The following PAN3 variants were observed in gnomAD, a reference collection of about 807,000 sequenced individuals.
The protein encoded by PAN3 is poly(A) specific ribonuclease subunit PAN3, also known as PAN2-PAN3 deadenylation complex subunit PAN3.
In PAN3, 19 loss-of-function variants were observed where a neutral mutation model predicts 96.2. The observed-to-expected ratio is 0.20, with a 90% CI of 0.14 to 0.29. The LOEUF (loss-of-function observed/expected upper bound fraction) is 0.29. Among genes scored for constraint, PAN3 ranks in the 10% least tolerant of loss-of-function variants. The pLI is 1.00. For synonymous variants in PAN3, 433 were observed against 406.6 expected, an observed-to-expected ratio of 1.06 and a Z score of -0.78; for missense variants, 882 against 1,108.1, an observed-to-expected ratio of 0.80 and a Z score of 2.90.
intron 1 of PAN3, among the ~76,000 whole-genome samples, chr13:28,162,569 C>T (rs1873012030): frequency 6.6e-6 from 1 of 151,848 alleles, no homozygotes; most frequent in Non-Finnish European, 1.5e-5. Context: ...ACCTGTAGAA[C>T]CCAGGAGGTG....
At chr13:28,244,225 T>G (rs1172343734) in intron 6 of PAN3, among the ~76,000 whole-genome samples, 1 of 152,206 alleles carries the variant, frequency 6.6e-6, no homozygotes, top group Non-Finnish European at 1.5e-5. Context: ...GTAGCAATTT[T>G]TGTCTCTTGA....
At chr13:28,269,956 A>G (rs941864647) in intron 12 of PAN3, among the ~76,000 whole-genome samples, 11 of 152,152 alleles carry the variant, frequency 7.2e-5, no homozygotes, top group Admixed American at 2.6e-4. Context: ...AGCAGGGTGT[A>G]GGGACTCATG....
At chr13:28,232,819 C>G (rs1193838834) in intron 6 of PAN3, among the ~76,000 whole-genome samples, 1 of 151,934 alleles carries the variant, frequency 6.6e-6, no homozygotes, top group Non-Finnish European at 1.5e-5. Flanking sequence ...TTTAAAGACT[C>G]CCTTTTATTA....
At chr13:28,152,599 AC>A (rs958896124) in intron 1 of PAN3, among the ~76,000 whole-genome samples, 1 of 152,014 alleles carries the variant, frequency 6.6e-6, no homozygotes, top group African/African-American at 2.4e-5. Flanking sequence ...AAACCAAAAA[AC>A]AAAAAAAAAT....
chr13:28,256,640 A>G, intron 7 of PAN3, 101 bp downstream of exon 7: 1 of 1,266,496 alleles, frequency 7.9e-7, no homozygotes, highest in Non-Finnish European at 1.1e-6. Flanking sequence ...ATTGTGATGC[A>G]AAAAAGTATT....
At chr13:28,139,514 T>TTGTGTGTGTGTGTGTGTGTGTGTGTG (rs10577740) in intron 1 of PAN3, among the ~76,000 whole-genome samples, 4 of 93,134 alleles carry the variant, frequency 4.3e-5, no homozygotes, top group African/African-American at 2.1e-4. Flanking sequence ...AGGGGTGTGT[T>TTGTGTGTGTGTGTGTGTGTGTGTGTG]TGTGTGTGTG....
At chr13:28,194,999 A>G (rs147771908) in intron 4 of PAN3, among the ~76,000 whole-genome samples, 8 of 152,230 alleles carry the variant, frequency 5.3e-5, no homozygotes, top group African/African-American at 1.4e-4. Context: ...ATTTCCCTCT[A>G]TGGCTTTTCT....
chr13:28,139,193 CT>C, intron 1 of PAN3, 106 bp downstream of exon 1: 1 of 1,189,884 alleles, frequency 8.4e-7, no homozygotes, highest in South Asian at 3.9e-5. Flanking sequence ...GGCTCCCCCC[CT>C]CACCTCCCAA....
chr13:28,194,466 A>ATATATAT (rs1429166016), intron 4 of PAN3, among the ~76,000 whole-genome samples: 9 of 122,116 alleles, frequency 7.4e-5, no homozygotes, highest in African/African-American at 3.3e-4. Context: ...ATATATATAT[A>ATATATAT]TTTTTTTTTT....
chr13:28,217,038 C>T (rs534943017), intron 5 of PAN3, among the ~76,000 whole-genome samples: 4 of 150,552 alleles, frequency 2.7e-5, no homozygotes, highest in Non-Finnish European at 4.4e-5. Flanking sequence ...CACTTGAACC[C>T]GGGGGGCAGA....
chr13:28,242,232 G>A (rs1166227548), intron 6 of PAN3, among the ~76,000 whole-genome samples: 1 of 151,974 alleles, frequency 6.6e-6, no homozygotes, highest in African/African-American at 2.4e-5. Context: ...CTTTTCCTCT[G>A]CCCCCAGATT....
At chr13:28,213,380 A>T (rs1880292389) in intron 5 of PAN3, among the ~76,000 whole-genome samples, 1 of 152,120 alleles carries the variant, frequency 6.6e-6, no homozygotes, top group Admixed American at 6.5e-5. Flanking sequence ...GTGATAGCTG[A>T]TTTCTCACTG....
intron 5 of PAN3, among the ~76,000 whole-genome samples, chr13:28,208,407 G>A (rs942429752): frequency 6.6e-6 from 1 of 152,140 alleles, no homozygotes; most frequent in South Asian, 2.1e-4. Context: ...TAGGTGGTAT[G>A]CCCTGTGATT....
At chr13:28,274,224 C>G (rs1357133213) in intron 14 of PAN3, among the ~76,000 whole-genome samples, 2 of 152,176 alleles carry the variant, frequency 1.3e-5, no homozygotes, top group Non-Finnish European at 2.9e-5. Flanking sequence ...TTTGCCCCCT[C>G]TTTCTTATCT....
rs1292839829 is a variant in PAN3, at chr13:28,295,083, C to T, written c.*2561C>T. ...AAGGACAACCCTTGAAATCATGTAA[C>T]GTTGGTCATTTCAATATTTTGTACC... On this transcript the variant is annotated 3_prime_UTR_variant, in exon 19 of 19. Transcript: ENST00000380958. 5.9e-5 allele frequency: 9 copies of T among 152,306 alleles called. No individual in the cohort carries two copies. The South Asian group carries it at 8.3e-4, about 14-fold the overall frequency. The allele number at this position is 152,306 out of a possible 1,614,324, so 9.4% of individuals were successfully genotyped here.
At chr13:28,139,514 T>TGTGTGTGTG (rs1869353072) in intron 1 of PAN3, among the ~76,000 whole-genome samples, 4 of 93,134 alleles carry the variant, frequency 4.3e-5, no homozygotes, top group African/African-American at 1.6e-4. Context: ...AGGGGTGTGT[T>TGTGTGTGTG]TGTGTGTGTG....
intron 6 of PAN3, among the ~76,000 whole-genome samples, chr13:28,224,785 A>T (rs1352589350): frequency 6.6e-6 from 1 of 152,116 alleles, no homozygotes; most frequent in Non-Finnish European, 1.5e-5. Flanking sequence ...AAGTTAAAAA[A>T]TTCTTTTTAA....
At chr13:28,212,144 G>C (rs989271386) in intron 5 of PAN3, among the ~76,000 whole-genome samples, 2 of 152,232 alleles carry the variant, frequency 1.3e-5, no homozygotes, top group African/African-American at 4.8e-5. Context: ...GAAGATCACA[G>C]TCAACAATTC....
intron 1 of PAN3, among the ~76,000 whole-genome samples, chr13:28,157,197 C>CAATA (rs1410638241): frequency 6.6e-6 from 1 of 151,904 alleles, no homozygotes; most frequent in East Asian, 1.9e-4. Context: ...TAAAAACCCT[C>CAATA]AATAAACTAG....
Sources: gnomAD v4.1 joint callset for allele counts (sites outside exome capture counted in the v4.1 genomes callset) on GRCh38, gnomAD v4.1.1 for gene constraint, MANE v1.5 for transcripts, NCBI Gene and HGNC (gene_info 2026-07-23, HGNC 2026-07-21) for gene names.